Variants in FBXL17 observed in about 807,000 individuals in gnomAD.
FBXL17 encodes the protein F-box/LRR-repeat protein 17.
In FBXL17, 22 loss-of-function variants were observed where a neutral mutation model predicts 66.2. That is an observed-to-expected ratio of 0.33 (90% CI 0.24 to 0.47). The LOEUF (loss-of-function observed/expected upper bound fraction) is 0.47, where lower values mean the gene tolerates loss of function less well. FBXL17 is among the 20% of genes least tolerant of loss of function. FBXL17 has a pLI of 1.00. For missense variants in FBXL17, 878 were observed against 948.2 expected (o/e 0.93, Z 0.97); for synonymous variants, 474 against 400.5 (o/e 1.18, Z -2.19).
chr5:108,336,265 G>C (rs1349185457), intron 4 of FBXL17, among the ~76,000 whole-genome samples: 1 of 152,114 alleles, frequency 6.6e-6, no homozygotes, highest in Admixed American at 6.6e-5. Flanking sequence ...CCGGTGTTCT[G>C]AACTAAATTT....
At chr5:107,983,150 G>T (rs114117596) in intron 7 of FBXL17, among the ~76,000 whole-genome samples, 1,584 of 152,262 alleles carry the variant, frequency 0.01, 23 homozygotes, top group African/African-American at 0.036. Flanking sequence ...CCCAGATGGG[G>T]TGTTGCCCTG....
At chr5:108,168,973 T>C (rs1199377175) in intron 6 of FBXL17, among the ~76,000 whole-genome samples, 1 of 152,210 alleles carries the variant, frequency 6.6e-6, no homozygotes, top group Non-Finnish European at 1.5e-5. Context: ...GAGTGTAGCA[T>C]TGTAAAGTTA....
rs201752049 is a variant in FBXL17, at chr5:107,871,057, C to CAAAAA, written c.1966-9202_1966-9198dup. Among the ~76,000 whole-genome samples, 9 of 65,880 alleles carry CAAAAA rather than the reference C, an allele frequency of 1.4e-4. 1 individual carries two copies. The highest frequency in any genetic ancestry group is 9.6e-4 in the South Asian group (2 of 2,086). 43.2% of individuals were successfully genotyped at this position (65,880 alleles called of 152,430 possible). A position where few individuals can be genotyped will look rare whatever the true frequency, so the allele number is the denominator to read the frequency against. ...GGTAAGAAATATTACTCTTGGGCGG[C>CAAAAA]AAAAAAAAAAAAAAAAAAAAAACCT... On this transcript the variant is annotated intron_variant, in intron 8 of 8. Coordinates refer to ENST00000542267, the MANE Select transcript of FBXL17 (RefSeq NM_001163315.3).
At chr5:107,872,166 T>C (rs113587726) in intron 8 of FBXL17, among the ~76,000 whole-genome samples, 3 of 152,328 alleles carry the variant, frequency 2.0e-5, no homozygotes, top group Admixed American at 6.5e-5. Flanking sequence ...ATAGGTGATA[T>C]TCTTGGTTTT....
intron 7 of FBXL17, among the ~76,000 whole-genome samples, chr5:107,890,825 G>A (rs1490854717): frequency 6.6e-6 from 1 of 152,130 alleles, no homozygotes; most frequent in African/African-American, 2.4e-5. Flanking sequence ...AAGGAAAACA[G>A]AGGAAAAGGG....
At chr5:108,157,080 T>G (rs1358852124) in intron 6 of FBXL17, among the ~76,000 whole-genome samples, 1 of 151,516 alleles carries the variant, frequency 6.6e-6, no homozygotes, top group Non-Finnish European at 1.5e-5. Flanking sequence ...AAGAGTTAGA[T>G]CTAGCTCTTA....
At chr5:108,290,947 C>T (rs1162899052) in intron 4 of FBXL17, among the ~76,000 whole-genome samples, 1 of 151,970 alleles carries the variant, frequency 6.6e-6, no homozygotes, top group African/African-American at 2.4e-5. Context: ...AAAATATTTC[C>T]ATGATATACA....
chr5:108,142,963 C>T (rs1223052704), intron 6 of FBXL17, among the ~76,000 whole-genome samples: 1 of 100,556 alleles, frequency 9.9e-6, no homozygotes, highest in Non-Finnish European at 2.2e-5. Flanking sequence ...TGCACATGTA[C>T]CCCAGAACAT....
At chr5:108,104,540 T>C (rs967611007) in intron 6 of FBXL17, among the ~76,000 whole-genome samples, 7 of 152,240 alleles carry the variant, frequency 4.6e-5, no homozygotes, top group African/African-American at 1.7e-4. Flanking sequence ...GCTCTGAGCA[T>C]TCCTGATGGA....
intron 4 of FBXL17, among the ~76,000 whole-genome samples, chr5:108,244,241 T>TG: frequency 6.6e-6 from 1 of 152,172 alleles, no homozygotes; most frequent in Non-Finnish European, 1.5e-5. Context: ...CTTTCTTAAC[T>TG]GGCTGGTCAT....
At chr5:107,886,287 C>A (rs1176997387) in intron 7 of FBXL17, among the ~76,000 whole-genome samples, 1 of 152,116 alleles carries the variant, frequency 6.6e-6, no homozygotes, top group Non-Finnish European at 1.5e-5. Flanking sequence ...GAGAGGCACA[C>A]ACATACACAG....
intron 7 of FBXL17, among the ~76,000 whole-genome samples, chr5:107,895,204 A>C (rs1749334577): frequency 6.6e-6 from 1 of 152,040 alleles, no homozygotes; most frequent in Non-Finnish European, 1.5e-5. Context: ...ACTACCTTTA[A>C]GAATTTTTTT....
At chr5:107,997,695 T>C (rs1297126978) in intron 7 of FBXL17, among the ~76,000 whole-genome samples, 4 of 152,170 alleles carry the variant, frequency 2.6e-5, no homozygotes, top group Non-Finnish European at 5.9e-5. Context: ...CTGCTTTATT[T>C]ATAAACGCGA....
chr5:108,128,997 A>T, intron 6 of FBXL17, among the ~76,000 whole-genome samples: 1 of 152,112 alleles, frequency 6.6e-6, no homozygotes, highest in Non-Finnish European at 1.5e-5. Context: ...GGTTGACATG[A>T]TTTTTAGGTA....
rs140607476 is a variant in FBXL17, at chr5:108,239,301, A to G, written c.1507-15073T>C. 3.2e-3 allele frequency among the ~76,000 whole-genome samples: 490 copies of G among 152,304 alleles called. 2 individuals carry two copies. The highest frequency in any genetic ancestry group is 0.011 in the South Asian group (51 of 4,826). On this transcript the variant is annotated intron_variant, in intron 4 of 8. Coordinates refer to ENST00000542267, the MANE Select transcript of FBXL17 (RefSeq NM_001163315.3). ...ACTTCATATCATCGAAAGAGGCACT[A>G]AAGACAGCTGAAAAGACATACTTGA...
intron 5 of FBXL17, among the ~76,000 whole-genome samples, chr5:108,208,657 T>C (rs975253084): frequency 6.6e-6 from 1 of 152,198 alleles, no homozygotes; most frequent in Admixed American, 6.6e-5. Context: ...TCTGTTCTGT[T>C]CCACTGGTCT....
intron 6 of FBXL17, among the ~76,000 whole-genome samples, chr5:108,163,538 C>A (rs1752299935): frequency 6.6e-6 from 1 of 151,772 alleles, no homozygotes; most frequent in Non-Finnish European, 1.5e-5. Context: ...GTAGCGGGGA[C>A]TACAGGCGTC....
intron 6 of FBXL17, among the ~76,000 whole-genome samples, chr5:108,046,773 T>C (rs1408809875): frequency 3.3e-5 from 5 of 152,218 alleles, no homozygotes; most frequent in Admixed American, 3.3e-4. Flanking sequence ...TATTTGGAAC[T>C]ACATCAGGCA....
intron 4 of FBXL17, among the ~76,000 whole-genome samples, chr5:108,305,269 C>G (rs975657745): frequency 7.0e-6 from 1 of 143,846 alleles, no homozygotes; most frequent in African/African-American, 3.0e-5. Flanking sequence ...AACACACAGA[C>G]ACATGGTTCT....
Sources: allele counts gnomAD v4.1 joint callset (sites outside exome capture counted in the v4.1 genomes callset), GRCh38; gene constraint gnomAD v4.1.1; transcripts MANE v1.5; gene names NCBI Gene and HGNC (gene_info 2026-07-23, HGNC 2026-07-21).